ZC3H7A: variants seen among roughly 807,000 people sequenced by gnomAD.
ZC3H7A encodes zinc finger CCCH-type containing 7A.
A neutral mutation model predicts 125.5 loss-of-function variants in ZC3H7A; 44 were observed. The ratio of observed to expected loss-of-function variants is 0.35; its 90% CI spans 0.28 to 0.45. The LOEUF (loss-of-function observed/expected upper bound fraction) is 0.45, where lower values mean the gene tolerates loss of function less well. Among genes scored for constraint, ZC3H7A ranks in the 20% least tolerant of loss-of-function variants. The pLI is 1.00. For synonymous variants in ZC3H7A, 399 were observed against 391.2 expected (o/e 1.02, Z -0.23); for missense variants, 977 against 1,170.7 (o/e 0.83, Z 2.41).
chr16:11,755,795 T>C (rs1192927190), intron 21 of ZC3H7A, among the ~76,000 whole-genome samples: 1 of 151,796 alleles, frequency 6.6e-6, no homozygotes, highest in Non-Finnish European at 1.5e-5. Flanking sequence ...AGGAAACCAC[T>C]AGAGAGAGAA....
At chr16:11,756,203 G>A (rs375305069) in intron 21 of ZC3H7A, 34 bp downstream of exon 21, 70 of 1,585,078 alleles carry the variant, frequency 4.4e-5, no homozygotes, top group Admixed American at 5.7e-5. Flanking sequence ...TCAATGGCTC[G>A]GCAAAGAGAG....
chr16:11,780,210 T>C (rs2053152954), intron 3 of ZC3H7A, among the ~76,000 whole-genome samples: 1 of 151,156 alleles, frequency 6.6e-6, no homozygotes, highest in African/African-American at 2.4e-5. Flanking sequence ...CGACTTCACC[T>C]CCTGAGTTCA....
At chr16:11,769,005 T>G in intron 11 of ZC3H7A, 26 bp downstream of exon 11, 2 of 1,586,462 alleles carry the variant, frequency 1.3e-6, no homozygotes, top group Non-Finnish European at 1.7e-6. Context: ...AAGCGATGTA[T>G]TTACAAAAGA....
At chr16:11,766,291 G>A (rs1189493921) in intron 13 of ZC3H7A, among the ~76,000 whole-genome samples, 2 of 152,228 alleles carry the variant, frequency 1.3e-5, no homozygotes, top group Non-Finnish European at 2.9e-5. Flanking sequence ...TAGGCCAAGC[G>A]TGGTGGCTCA....
chr16:11,783,688 G>A lies in ZC3H7A; in HGVS notation c.-34-1300C>T, dbSNP rs902313516. Among the ~76,000 whole-genome samples the A allele has an allele frequency of 2.0e-5, 3 of 152,300 alleles. 1 individual carries two copies. The Middle Eastern group carries it at 0.01, about 518-fold the overall frequency. Reference sequence around the variant, plus strand: ...ATAAACCACGTATTTGGACCCAGGTGACAGGAAGGGAAATTCCACTCATGT... The same window carrying A: ...ATAAACCACGTATTTGGACCCAGGTAACAGGAAGGGAAATTCCACTCATGT... On this transcript the variant is annotated intron_variant, in intron 1 of 22. Coordinates refer to ENST00000355758, the MANE Select transcript of ZC3H7A (RefSeq NM_014153.4).
At position 11,762,048 on chromosome 16, in the gene ZC3H7A, A is replaced by T; in HGVS notation, c.2080-5T>A. 6.3e-7 allele frequency: 1 copy of T among 1,583,470 alleles called. No individual in the cohort carries two copies. On this transcript the variant is annotated splice_polypyrimidine_tract_variant and splice_region_variant and intron_variant, in intron 17 of 22. Transcript: ENST00000355758. The stretch of plus-strand genomic sequence containing the variant: ...CATTATTTGATTACCAAGTACCTTA[A>T]ACAATTAAAAGATTCGTTTTAATTT...
intron 1 of ZC3H7A, among the ~76,000 whole-genome samples, chr16:11,785,419 T>C (rs897902657): frequency 1.4e-4 from 21 of 151,818 alleles, no homozygotes; most frequent in Non-Finnish European, 3.1e-4. Context: ...GGCAGGAGGA[T>C]GGCTTGAACC....
In ZC3H7A at chr16:11,765,389, T is replaced by A; in HGVS notation, c.1719+100A>T. 2 of 770,556 alleles carry A rather than the reference T, an allele frequency of 2.6e-6. No individual in the cohort carries two copies. The highest frequency in any genetic ancestry group is 4.0e-6 in the Non-Finnish European group (2 of 505,284). The allele number at this position is 770,556 out of a possible 1,614,324, so 47.7% of individuals were successfully genotyped here. A position where few individuals can be genotyped will look rare whatever the true frequency, so the allele number is the denominator to read the frequency against. On this transcript the variant is annotated intron_variant, in intron 14 of 22. Coordinates refer to ENST00000355758, the MANE Select transcript of ZC3H7A (RefSeq NM_014153.4). The surrounding 1 kb of genome is among the most constrained non-coding windows in gnomAD (Gnocchi z 4.8). ...ATTTATCATATAAATAAATGAATAT[T>A]TATTCATTTACCAAGTGAATGTTTT...
rs947176608 is a variant in ZC3H7A at position 11,774,531 on chromosome 16, A to G, written c.620-12T>C. ...TGGAGTTAATAAATCTGTAACACAG[A>G]TGGAAATGTACTCAGTCACTTTCAT... On this transcript the variant is annotated splice_polypyrimidine_tract_variant and intron_variant, in intron 8 of 22. Transcript: ENST00000355758. 2.6e-6 allele frequency: 4 copies of G among 1,510,314 alleles called. No individual in the cohort carries two copies. Among genetic ancestry groups the G allele is most frequent in the Non-Finnish European group, 3.5e-6 (4 of 1,128,960 alleles). 93.6% of individuals were successfully genotyped at this position (1,510,314 alleles called of 1,614,324 possible). A position where few individuals can be genotyped will look rare whatever the true frequency, so the allele number is the denominator to read the frequency against.
At chr16:11,777,285 C>T (rs528566536) in intron 4 of ZC3H7A, among the ~76,000 whole-genome samples, 1 of 152,244 alleles carries the variant, frequency 6.6e-6, no homozygotes, top group East Asian at 1.9e-4. Context: ...AACGTAACTC[C>T]AAACAGCTAA....
chr16:11,763,994 C>T (rs2052807557), intron 15 of ZC3H7A, among the ~76,000 whole-genome samples: 1 of 151,412 alleles, frequency 6.6e-6, no homozygotes, highest in South Asian at 2.1e-4. Context: ...CGGGGTTTCA[C>T]CGTGTTAGCC....
At chr16:11,760,122 G>GAAAAAAAAAAAAAA (rs66812605) in intron 19 of ZC3H7A, among the ~76,000 whole-genome samples, 86 of 82,510 alleles carry the variant, frequency 1.0e-3, no homozygotes, top group Middle Eastern at 8.1e-3. Flanking sequence ...AAGAAAAAAT[G>GAAAAAAAAAAAAAA]AAAAAAAAAA....
At position 11,752,950 on chromosome 16, in the gene ZC3H7A, AG is replaced by A. The variant is rs2052577074; in HGVS notation, c.2563-119del. The A allele has an allele frequency of 5.4e-5, 72 of 1,326,382 alleles. 1 individual carries two copies. The East Asian group carries it at 1.7e-3, about 31-fold the overall frequency. 82.2% of individuals were successfully genotyped at this position (1,326,382 alleles called of 1,614,324 possible). A position where few individuals can be genotyped will look rare whatever the true frequency, so the allele number is the denominator to read the frequency against. On this transcript the variant is annotated intron_variant, in intron 21 of 22. Coordinates refer to ENST00000355758, the MANE Select transcript of ZC3H7A (RefSeq NM_014153.4). ...AAGACATAAAACTCAGGTTAGAAAT[AG>A]GGACAAGGAAAGGACCACAGCATGG...
intron 19 of ZC3H7A, among the ~76,000 whole-genome samples, chr16:11,760,428 C>T (rs1356276108): frequency 6.6e-6 from 1 of 152,122 alleles, no homozygotes; most frequent in Non-Finnish European, 1.5e-5. Context: ...AGTCTAAAAC[C>T]ACTTTGGATA....
intron 9 of ZC3H7A, 137 bp from the exon 10 acceptor site, chr16:11,771,124 T>C: frequency 1.2e-6 from 1 of 868,618 alleles, no homozygotes; most frequent in Non-Finnish European, 1.7e-6. Context: ...CCAGGCATGG[T>C]GGCCTGTAAT....
chr16:11,760,694 C>G (rs554871011), intron 19 of ZC3H7A, among the ~76,000 whole-genome samples: 3 of 152,332 alleles, frequency 2.0e-5, no homozygotes, highest in South Asian at 2.1e-4. Flanking sequence ...GTGTCCCTGT[C>G]TGCTAACGCA....
chr16:11,793,054 G>A (rs1475374043), intron 1 of ZC3H7A, among the ~76,000 whole-genome samples: 5 of 152,114 alleles, frequency 3.3e-5, no homozygotes, highest in African/African-American at 1.2e-4. Flanking sequence ...CATCACTCCA[G>A]GGAAAATCTT....
intron 20 of ZC3H7A, among the ~76,000 whole-genome samples, chr16:11,756,838 T>G (rs1232770992): frequency 2.0e-5 from 3 of 152,174 alleles, no homozygotes; most frequent in Non-Finnish European, 4.4e-5. Context: ...ACCAAGATTC[T>G]GACCCTGATG....
chr16:11,790,791 G>A (rs1465124862), intron 1 of ZC3H7A, among the ~76,000 whole-genome samples: 5 of 151,956 alleles, frequency 3.3e-5, no homozygotes, highest in East Asian at 1.9e-4. Context: ...TGCCCACCTC[G>A]GTCTCTCCCA....
Sources: allele counts gnomAD v4.1 joint callset (sites outside exome capture counted in the v4.1 genomes callset), GRCh38; gene constraint gnomAD v4.1.1; non-coding constraint Gnocchi (gnomAD v3.1); transcripts MANE v1.5; gene names NCBI Gene and HGNC (gene_info 2026-07-23, HGNC 2026-07-21).